Variants in SLC6A13 observed in about 807,000 individuals in gnomAD.
SLC6A13 encodes the protein sodium- and chloride-dependent GABA transporter 2.
A neutral mutation model predicts 72.9 loss-of-function variants in SLC6A13; 69 were observed. The observed-to-expected ratio is 0.95, with a 90% CI of 0.78 to 1.16. The LOEUF is 1.16. Ranked by LOEUF, SLC6A13 falls within the 50% of genes most tolerant of loss-of-function variation. The probability of loss-of-function intolerance (pLI) is 0.00; values close to 1 mark genes in which losing one functional copy is unlikely to be tolerated. For missense variants in SLC6A13, 735 were observed against 760.5 expected (o/e 0.97, Z 0.39); for synonymous variants, 303 against 303.0 (o/e 1.00, Z 0.00).
chr12:231,415 A>G (rs1044810396), intron 7 of SLC6A13, among the ~76,000 whole-genome samples: 1 of 152,194 alleles, frequency 6.6e-6, no homozygotes, highest in African/African-American at 2.4e-5. Context: ...GGCGAATGCC[A>G]GTTAGAATGA....
At chr12:241,373 C>T (rs559754220) in intron 4 of SLC6A13, among the ~76,000 whole-genome samples, 1 of 152,066 alleles carries the variant, frequency 6.6e-6, no homozygotes, top group Non-Finnish European at 1.5e-5. Context: ...AGGGCTAGGG[C>T]CTTGTTGACT....
At chr12:253,560 G>C (rs1341445438) in intron 2 of SLC6A13, 3 of 152,312 alleles carry the variant, frequency 2.0e-5, no homozygotes, top group Non-Finnish European at 4.4e-5. Flanking sequence ...TTACAGGCTG[G>C]AGCTGAGGGA....
chr12:223,269 A>T (rs747887999), intron 11 of SLC6A13, 35 bp from the exon 12 acceptor site: 69 of 1,423,054 alleles, frequency 4.8e-5, no homozygotes, highest in Admixed American at 8.7e-5. Context: ...AAAGAAGTTT[A>T]TCCAGTGGAA....
chr12:225,996 G>A (rs1475902096), intron 9 of SLC6A13, among the ~76,000 whole-genome samples: 1 of 152,248 alleles, frequency 6.6e-6, no homozygotes, highest in African/African-American at 2.4e-5. Flanking sequence ...AGGTGCGGAA[G>A]AGTGTGTATA....
rs1942672993 is a variant in SLC6A13, at chr12:254,577, A to C, written c.202+5274T>G. ...ATTTCTTCACTCGACTTTCCAAAACACTTCATTCTCTTGGTTTTCATCCTG... is the reference window on the plus strand; with the variant it reads ...ATTTCTTCACTCGACTTTCCAAAACCCTTCATTCTCTTGGTTTTCATCCTG... On this transcript the variant is annotated intron_variant, in intron 2 of 14. Transcript: ENST00000343164. This position sits in a 1 kb window ranked among gnomAD's most constrained non-coding sequence, Gnocchi z 4.4. Among the ~76,000 whole-genome samples the C allele has an allele frequency of 6.6e-6, 1 of 151,852 alleles. No homozygotes were observed. The highest frequency in any genetic ancestry group is 2.4e-5 in the African/African-American group (1 of 41,304).
rs143103855 is a variant in SLC6A13, at chr12:259,521, C to T, written c.202+330G>A. 4.1e-4 allele frequency: 546 copies of T among 1,344,360 alleles called. 2 individuals are homozygous for T. In the African/African-American group the frequency reaches 6.8e-3, roughly 17 times the overall value. The allele number at this position is 1,344,360 out of a possible 1,614,324, so 83.3% of individuals were successfully genotyped here. A position where few individuals can be genotyped will look rare whatever the true frequency, so the allele number is the denominator to read the frequency against. ...GCATTATTATCTCAATTTGCAGGAG[C>T]GGCAATTGATGCTCTGAGAGCTTAA... On this transcript the variant is annotated intron_variant, in intron 2 of 14. Coordinates refer to ENST00000343164, the MANE Select transcript of SLC6A13 (RefSeq NM_016615.5).
intron 8 of SLC6A13, chr12:226,836 C>T (rs188786401): frequency 7.2e-5 from 17 of 235,530 alleles, no homozygotes; most frequent in Admixed American, 3.6e-4. Flanking sequence ...AGGTCCACAC[C>T]GCATGGGACG....
At chr12:221,923 G>A (rs1000747709) in intron 13 of SLC6A13, among the ~76,000 whole-genome samples, 2 of 152,224 alleles carry the variant, frequency 1.3e-5, no homozygotes, top group East Asian at 3.8e-4. Context: ...AGTTATATCT[G>A]GCACACAGTG....
intron 7 of SLC6A13, among the ~76,000 whole-genome samples, chr12:231,933 G>C (rs1941725006): frequency 6.6e-6 from 1 of 152,194 alleles, no homozygotes; most frequent in African/African-American, 2.4e-5. Flanking sequence ...GTCTCCAAGA[G>C]TGGATCATAA....
rs754822008 is a variant in SLC6A13 at position 242,632 on chromosome 12, A to G, written c.460T>C (p.Tyr154His). The G allele has an allele frequency of 6.2e-7, 1 of 1,613,926 alleles. No individual in the cohort carries two copies. Among genetic ancestry groups the G allele is most frequent in the South Asian group, 1.1e-5 (1 of 90,990 alleles). The change falls in exon 4 of 15, where the codon TAC becomes CAC. Residue 154 changes from tyrosine to histidine, a missense_variant. By Grantham distance (83) the Tyr-to-His change is moderately conservative (BLOSUM62 2). Coordinates refer to ENST00000343164, the MANE Select transcript of SLC6A13 (RefSeq NM_016615.5). ...ACCATACCTGTGTTCCACTCATGGTAGCAGCCGCCCCAGGGCAGGTCGATG... is the reference window on the plus strand; with the variant it reads ...ACCATACCTGTGTTCCACTCATGGTGGCAGCCGCCCCAGGGCAGGTCGATG... The part of the protein sequence containing the change: ...FTIDLPWGGC[Y>H]HEWNTEHCME...
Position 250,981 on chromosome 12 carries a change from C to T in SLC6A13, c.203-7168G>A, listed in dbSNP as rs150389012. ...ACCATCCTGGCCAACACGGTGAAAC[C>T]CTGTCTCTACTAAAAATACAAAAAA... On this transcript the variant is annotated intron_variant, in intron 2 of 14. Coordinates refer to ENST00000343164, the MANE Select transcript of SLC6A13 (RefSeq NM_016615.5). Among the ~76,000 whole-genome samples, 730 of 151,750 alleles carry T rather than the reference C, an allele frequency of 4.8e-3. 14 individuals carry two copies. Among genetic ancestry groups the T allele is most frequent in the African/African-American group, 0.017 (691 of 41,382 alleles).
rs758927793 is a variant in SLC6A13 at position 224,552 on chromosome 12, G to A, written c.1061-39C>T. 2.6e-6 allele frequency: 4 copies of A among 1,540,652 alleles called. No homozygotes were observed. The Admixed American group carries it at 5.0e-5, about 19-fold the overall frequency. On this transcript the variant is annotated intron_variant, in intron 9 of 14. Coordinates refer to ENST00000343164, the MANE Select transcript of SLC6A13 (RefSeq NM_016615.5). The stretch of plus-strand genomic sequence containing the variant: ...CAGAGGAACACGGGCCAGTGCCCGG[G>A]CCAGCTCCAGGCTGTGGGTGACCCA...
At chr12:234,682 T>A (rs545279388) in intron 7 of SLC6A13, among the ~76,000 whole-genome samples, 1 of 152,196 alleles carries the variant, frequency 6.6e-6, no homozygotes, top group South Asian at 2.1e-4. Flanking sequence ...TACACCCGGC[T>A]AATTTTTGTA....
In SLC6A13 at chr12:231,644, C is replaced by A. The variant is rs114789293; in HGVS notation, c.831+3446G>T. Among the ~76,000 whole-genome samples, 558 of 152,320 alleles carry A rather than the reference C, an allele frequency of 3.7e-3. 5 individuals are homozygous for A. Among genetic ancestry groups the A allele is most frequent in the African/African-American group, 0.013 (541 of 41,570 alleles). ...TGGAACACAGATGCTCCCTGCACAG[C>A]CCAAAGCTGGCTGGAATGGAAAGAA... is the stretch of plus-strand genomic sequence containing the variant. On this transcript the variant is annotated intron_variant, in intron 7 of 14. Coordinates refer to ENST00000343164, the MANE Select transcript of SLC6A13 (RefSeq NM_016615.5).
Position 237,929 on chromosome 12 carries a change from C to T in SLC6A13, c.560G>A (p.Trp187Ter). 6.2e-7 allele frequency: 1 copy of T among 1,613,176 alleles called. No homozygotes were observed. The highest frequency in any genetic ancestry group is 1.3e-5 in the African/African-American group (1 of 74,998). Residue 187 changes from tryptophan (W) to a stop codon, truncating the protein, a stop_gained, in exon 5 of 15, where the codon TGG becomes TAG. Coordinates refer to ENST00000343164, the MANE Select transcript of SLC6A13 (RefSeq NM_016615.5). LOFTEE classifies it high-confidence loss of function. ...ENATSPVIEFWERRVLKISDG... is the reference protein window; with the variant it reads ...ENATSPVIEF ...GGTGGGGAAGGGTCTCACTTACTCC[C>T]AGAACTCGATGACAGGAGAGGTGGC...
chr12:255,620 C>T (rs1942714995), intron 2 of SLC6A13, among the ~76,000 whole-genome samples: 3 of 152,216 alleles, frequency 2.0e-5, no homozygotes, highest in Admixed American at 1.3e-4. Context: ...CACTTGAACC[C>T]AGTAGGTAGA....
At chr12:243,891 C>T in intron 2 of SLC6A13, 78 bp from the exon 3 acceptor site, 2 of 1,393,234 alleles carry the variant, frequency 1.4e-6, no homozygotes, top group South Asian at 1.3e-5. Flanking sequence ...CCATTACCAA[C>T]CCATACTGCC....
rs775827740 is a variant in SLC6A13 at position 221,008 on chromosome 12, C to T, written c.1749G>A (p.Ser583=). The T allele has an allele frequency of 3.1e-6, 5 of 1,612,592 alleles. No homozygotes were observed. Among genetic ancestry groups the T allele is most frequent in the Admixed American group, 1.7e-5 (1 of 59,980 alleles). ...GTGAGGTCCTGGGGGTGGCGGGAGC[C>T]GAGGGTCCTGCTGGGTTCCGCTGGG... The part of the protein sequence containing the change: ...DLPQRNPAGP[S]APATPRTSLL... Residue 583 remains serine, a synonymous_variant, in exon 15 of 15, where the codon TCG becomes TCA. Transcript: ENST00000343164.
chr12:225,038 C>T (rs752265908), intron 9 of SLC6A13, among the ~76,000 whole-genome samples: 3 of 152,222 alleles, frequency 2.0e-5, no homozygotes, highest in Admixed American at 1.3e-4. Context: ...CGCCCGGAGC[C>T]CTTTCTGTCA....
Sources: allele counts gnomAD v4.1 joint callset (sites outside exome capture counted in the v4.1 genomes callset), GRCh38; gene constraint gnomAD v4.1.1; non-coding constraint Gnocchi (gnomAD v3.1); transcripts MANE v1.5; gene names NCBI Gene and HGNC (gene_info 2026-07-23, HGNC 2026-07-21).